GRIK2: variants seen among roughly 807,000 people sequenced by gnomAD.
GRIK2 encodes glutamate receptor ionotropic, kainate 2.
Under a neutral mutation model 100.3 loss-of-function variants are expected in GRIK2, and 32 were observed. The observed-to-expected ratio is 0.32, with a 90% CI of 0.24 to 0.43. The LOEUF (loss-of-function observed/expected upper bound fraction) is 0.43. Ranked by LOEUF, GRIK2 falls within the 20% of genes least tolerant of loss-of-function variation. GRIK2 has a pLI of 1.00. For synonymous variants in GRIK2, 417 were observed against 389.4 expected, an observed-to-expected ratio of 1.07 and a Z score of -0.83; for missense variants, 843 against 1,114.9, an observed-to-expected ratio of 0.76 and a Z score of 3.47.
intron 14 of GRIK2, among the ~76,000 whole-genome samples, chr6:101,979,173 A>G (rs1019198457): frequency 6.6e-6 from 1 of 152,016 alleles, no homozygotes; most frequent in Admixed American, 6.6e-5. Flanking sequence ...GGACTGAAAG[A>G]TTGTTGGAAA....
intron 10 of GRIK2, among the ~76,000 whole-genome samples, chr6:101,844,610 A>T (rs374101329): frequency 6.6e-6 from 1 of 152,332 alleles, no homozygotes; most frequent in East Asian, 1.9e-4. Context: ...CCAGATTTTA[A>T]CATAGCATAC....
intron 14 of GRIK2, among the ~76,000 whole-genome samples, chr6:101,983,524 A>G (rs1793839079): frequency 6.6e-6 from 1 of 151,830 alleles, no homozygotes. Context: ...CAAACACACT[A>G]ATACATGTCC....
intron 14 of GRIK2, among the ~76,000 whole-genome samples, chr6:102,035,064 AT>A (rs1770193042): frequency 6.6e-6 from 1 of 151,224 alleles, no homozygotes; most frequent in African/African-American, 2.4e-5. Context: ...GCTTTCAGTG[AT>A]TTACTGGGAT....
intron 7 of GRIK2, among the ~76,000 whole-genome samples, chr6:101,788,816 C>A (rs963156475): frequency 2.6e-5 from 4 of 152,156 alleles, no homozygotes; most frequent in Non-Finnish European, 4.4e-5. Context: ...AACTAGTTTA[C>A]AGTCCCACCA....
At chr6:102,060,038 G>A (rs969083362) in intron 16 of GRIK2, among the ~76,000 whole-genome samples, 5 of 150,322 alleles carry the variant, frequency 3.3e-5, no homozygotes, top group Non-Finnish European at 3.0e-5. Flanking sequence ...CTCAGATACT[G>A]AATTTGTGCA....
intron 10 of GRIK2, among the ~76,000 whole-genome samples, chr6:101,858,117 T>A (rs1299099209): frequency 6.6e-6 from 1 of 152,226 alleles, no homozygotes; most frequent in African/African-American, 2.4e-5. Flanking sequence ...TCTTCTCTTA[T>A]CTTACCGAGT....
At position 101,686,248 on chromosome 6, in the gene GRIK2, A is replaced by G. The variant is rs779628062; in HGVS notation, c.846A>G (p.Leu282=). 8 of 1,612,510 alleles carry G rather than the reference A, an allele frequency of 5.0e-6. No homozygotes were observed. In the African/African-American group the frequency reaches 8.0e-5, roughly 16 times the overall value. ...SGVNMTGFRI[L]NTENTQVSSI... ...TTAACATGACAGGGTTCAGAATATT[A>G]AATACAGAAAATACCCAAGTCTCCT... Residue 282 remains leucine (L), a synonymous_variant, in exon 7 of 17, where the codon TTA becomes TTG. Transcript: ENST00000369134.
At chr6:101,959,347 C>T (rs1198075717) in intron 14 of GRIK2, among the ~76,000 whole-genome samples, 6 of 151,990 alleles carry the variant, frequency 3.9e-5, no homozygotes, top group Non-Finnish European at 8.8e-5. Context: ...GAGAAATTTT[C>T]TCTAGTTTTT....
At chr6:101,782,421 C>T (rs1039595524) in intron 7 of GRIK2, among the ~76,000 whole-genome samples, 4 of 152,156 alleles carry the variant, frequency 2.6e-5, no homozygotes, top group African/African-American at 4.8e-5. Flanking sequence ...TGAGACCAAC[C>T]TTTCCATAGC....
At chr6:101,954,898 T>C (rs949643837) in intron 14 of GRIK2, among the ~76,000 whole-genome samples, 2 of 152,204 alleles carry the variant, frequency 1.3e-5, no homozygotes, top group African/African-American at 2.4e-5. Context: ...GATTGAGTGC[T>C]TTTCAATCAC....
chr6:101,848,134 T>C (rs1451080794), intron 10 of GRIK2, among the ~76,000 whole-genome samples: 2 of 152,108 alleles, frequency 1.3e-5, no homozygotes, highest in Non-Finnish European at 2.9e-5. Context: ...GAATGCAGGC[T>C]ACTATCTTCA....
chr6:101,939,646 T>G (rs1790831623), intron 14 of GRIK2, among the ~76,000 whole-genome samples: 1 of 152,100 alleles, frequency 6.6e-6, no homozygotes, highest in African/African-American at 2.4e-5. Flanking sequence ...AGATAGTCAA[T>G]CTTTTAAAAC....
rs533263986 is a variant in GRIK2 at position 101,909,324 on chromosome 6, G to C, written c.1749-15277G>C. ...GGAATAATTTAAATGCCTGCAATGAGGGTTTCAGAGTGAGTAAAAAATTTT... is the reference window on the plus strand; with the variant it reads ...GGAATAATTTAAATGCCTGCAATGACGGTTTCAGAGTGAGTAAAAAATTTT... On this transcript the variant is annotated intron_variant, in intron 12 of 16. Transcript: ENST00000369134. Among the ~76,000 whole-genome samples, 5 of 146,536 alleles carry C rather than the reference G, an allele frequency of 3.4e-5. 1 individual carries two copies. The highest frequency in any genetic ancestry group is 1.3e-4 in the African/African-American group (5 of 39,862).
At chr6:102,019,979 A>G (rs968655504) in intron 14 of GRIK2, among the ~76,000 whole-genome samples, 7 of 151,972 alleles carry the variant, frequency 4.6e-5, no homozygotes, top group Non-Finnish European at 8.8e-5. Context: ...TTTCAGACAG[A>G]TGCAGCATTT....
chr6:101,718,145 T>C (rs1562331725), intron 7 of GRIK2, among the ~76,000 whole-genome samples: 1 of 151,828 alleles, frequency 6.6e-6, no homozygotes, highest in African/African-American at 2.4e-5. Context: ...AAACTGATGC[T>C]AATTGAATAC....
chr6:101,677,005 G>A (rs1246776253), intron 5 of GRIK2, among the ~76,000 whole-genome samples: 1 of 152,074 alleles, frequency 6.6e-6, no homozygotes, highest in African/African-American at 2.4e-5. Context: ...TTCAAAACGG[G>A]TTGTTGGAAG....
At chr6:101,469,687 T>C (rs1771844874) in intron 2 of GRIK2, among the ~76,000 whole-genome samples, 1 of 152,194 alleles carries the variant, frequency 6.6e-6, no homozygotes, top group Non-Finnish European at 1.5e-5. Flanking sequence ...TTTAATAATA[T>C]CCTGAACAGA....
chr6:101,885,744 A>T (rs985263014), intron 11 of GRIK2, among the ~76,000 whole-genome samples: 1 of 152,060 alleles, frequency 6.6e-6, no homozygotes, highest in African/African-American at 2.4e-5. Context: ...GTTATTTAAA[A>T]ATATATAATT....
At chr6:101,836,848 T>C (rs1783154235) in intron 10 of GRIK2, among the ~76,000 whole-genome samples, 1 of 151,486 alleles carries the variant, frequency 6.6e-6, no homozygotes, top group South Asian at 2.1e-4. Flanking sequence ...GTATTTTTAG[T>C]AGAGATGGGG....
Sources: allele counts gnomAD v4.1 joint callset (sites outside exome capture counted in the v4.1 genomes callset), GRCh38; gene constraint gnomAD v4.1.1; transcripts MANE v1.5; gene names NCBI Gene and HGNC (gene_info 2026-07-23, HGNC 2026-07-21).